Variants in CREB3L2 observed in about 807,000 individuals in gnomAD.
CREB3L2 encodes the protein cyclic AMP-responsive element-binding protein 3-like protein 2.
CREB3L2 carries 23 observed loss-of-function variants against 57.2 expected under a neutral mutation model. The ratio of observed to expected loss-of-function variants is 0.40; its 90% CI spans 0.29 to 0.57. The LOEUF (loss-of-function observed/expected upper bound fraction) is 0.57. Among genes scored for constraint, CREB3L2 ranks in the 20% least tolerant of loss-of-function variants. CREB3L2 has a pLI of 0.42. For synonymous variants in CREB3L2, 268 were observed against 265.1 expected (o/e 1.01, Z -0.11); for missense variants, 628 against 634.7 (o/e 0.99, Z 0.11).
chr7:137,955,606 AC>A (rs1315587055), intron 1 of CREB3L2, among the ~76,000 whole-genome samples: 1 of 152,236 alleles, frequency 6.6e-6, no homozygotes, highest in Non-Finnish European at 1.5e-5. Flanking sequence ...CACCACCTCG[AC>A]TTTTCAAATG....
intron 1 of CREB3L2, among the ~76,000 whole-genome samples, chr7:137,978,959 C>A (rs1801662956): frequency 6.6e-6 from 1 of 152,186 alleles, no homozygotes; most frequent in South Asian, 2.1e-4. Flanking sequence ...CTGATGGCAT[C>A]TCAGAGATGT....
chr7:137,983,718 C>G (rs1801748119), intron 1 of CREB3L2, among the ~76,000 whole-genome samples: 1 of 152,102 alleles, frequency 6.6e-6, no homozygotes, highest in Non-Finnish European at 1.5e-5. Context: ...GTTCGCATAC[C>G]TCTCTGCTTT....
chr7:137,994,183 A>G (rs964051921), intron 1 of CREB3L2, among the ~76,000 whole-genome samples: 1 of 152,208 alleles, frequency 6.6e-6, no homozygotes, highest in Non-Finnish European at 1.5e-5. Flanking sequence ...CATAGGCCTC[A>G]ATCCTACCAA....
At chr7:137,903,862 G>C (rs978841348) in intron 7 of CREB3L2, 97 bp downstream of exon 7, 1 of 1,071,128 alleles carries the variant, frequency 9.3e-7, no homozygotes, top group Non-Finnish European at 1.4e-6. Flanking sequence ...AAGGTGGCCA[G>C]AAAGAGGAAT....
chr7:137,942,205 T>A (rs527782982), intron 1 of CREB3L2, among the ~76,000 whole-genome samples: 1 of 152,232 alleles, frequency 6.6e-6, no homozygotes, highest in Admixed American at 6.5e-5. Context: ...ATTCAAACTT[T>A]TATGAAGGAA....
intron 1 of CREB3L2, among the ~76,000 whole-genome samples, chr7:137,930,088 A>G (rs1800582586): frequency 2.0e-5 from 3 of 151,740 alleles, no homozygotes; most frequent in African/African-American, 7.3e-5. Context: ...TAGTAGAGAC[A>G]GGGTTTCACC....
rs772407010 is a variant in CREB3L2 at position 137,908,288 on chromosome 7, G to A, written c.732C>T (p.Ser244=). Reference sequence around the variant, plus strand: ...TGAGGAGAGGGGAGCTGGAGAGGGCGGAGGGGGCCCGGGGTGCAGCTCTGG... The same window carrying A: ...TGAGGAGAGGGGAGCTGGAGAGGGCAGAGGGGGCCCGGGGTGCAGCTCTGG... ...SPSRAAPRAP[S]ALSSSPLLTA... is the part of the protein sequence containing the mutation. Residue 244 remains serine, a synonymous_variant, in exon 5 of 12, where the codon TCC becomes TCT. Coordinates refer to ENST00000330387, the MANE Select transcript of CREB3L2 (RefSeq NM_194071.4). 76 of 1,259,772 alleles carry A rather than the reference G, an allele frequency of 6.0e-5. No individual in the cohort carries two copies. The highest frequency in any genetic ancestry group is 6.9e-5 in the Non-Finnish European group (69 of 993,362). The allele number at this position is 1,259,772 out of a possible 1,614,324, so 78.0% of individuals were successfully genotyped here.
intron 1 of CREB3L2, among the ~76,000 whole-genome samples, chr7:137,978,341 C>T (rs999757893): frequency 6.6e-6 from 1 of 152,148 alleles, no homozygotes; most frequent in Non-Finnish European, 1.5e-5. Context: ...GAAGTCAGAA[C>T]AGCTGAAAAC....
intron 1 of CREB3L2, among the ~76,000 whole-genome samples, chr7:137,967,028 C>T (rs1261746990): frequency 5.9e-5 from 9 of 152,148 alleles, no homozygotes; most frequent in Admixed American, 5.9e-4. Flanking sequence ...CTTATAAGAA[C>T]AGCCCAGAAA....
intron 1 of CREB3L2, among the ~76,000 whole-genome samples, chr7:137,968,531 G>C (rs1322284443): frequency 6.6e-6 from 1 of 152,180 alleles, no homozygotes; most frequent in Non-Finnish European, 1.5e-5. Context: ...CCCTGCAAAG[G>C]ACATGAACCC....
At chr7:137,945,068 T>G (rs758009288) in intron 1 of CREB3L2, among the ~76,000 whole-genome samples, 6 of 151,642 alleles carry the variant, frequency 4.0e-5, no homozygotes, top group Non-Finnish European at 8.8e-5. Context: ...AATTTTTGTA[T>G]TTTTAGTAGA....
chr7:137,968,058 G>C (rs1190262139), intron 1 of CREB3L2, among the ~76,000 whole-genome samples: 5 of 152,210 alleles, frequency 3.3e-5, no homozygotes. Context: ...CAGCCAGTCA[G>C]TAAAAGCTTG....
rs1799279195 is a variant in CREB3L2 at position 137,880,978 on chromosome 7, T to A, written c.1488-427A>T. 1.3e-5 allele frequency among the ~76,000 whole-genome samples: 2 copies of A among 152,198 alleles called. No individual in the cohort carries two copies. Among genetic ancestry groups the A allele is most frequent in the South Asian group, 4.1e-4 (2 of 4,832 alleles). ...ACAATGAGCTAATTTGAAATAATAA[T>A]AAATCCATAACAGAAAATAAATACA... On this transcript the variant is annotated intron_variant, in intron 11 of 11. Transcript: ENST00000330387. This position sits in a 1 kb window ranked among gnomAD's most constrained non-coding sequence, Gnocchi z 4.0.
chr7:137,896,727 G>A (rs1236838799), intron 8 of CREB3L2, among the ~76,000 whole-genome samples: 1 of 152,206 alleles, frequency 6.6e-6, no homozygotes, highest in African/African-American at 2.4e-5. Context: ...TGAAGAGGGA[G>A]AAGAAATGGG....
rs1254707432 is a variant in CREB3L2, at chr7:137,953,658, T to G, written c.103-25292A>C. 3 of 531,402 alleles carry G rather than the reference T, an allele frequency of 5.6e-6. No individual in the cohort carries two copies. In the East Asian group the frequency reaches 2.1e-4, roughly 37 times the overall value. The allele number at this position is 531,402 out of a possible 1,614,324, so 32.9% of individuals were successfully genotyped here. ...ATTGTGTTTTAAGGCTGGGAAGGGG[T>G]AGACACTGAGCTCTTTCTAATGCCA... On this transcript the variant is annotated intron_variant, in intron 1 of 11. Coordinates refer to ENST00000330387, the MANE Select transcript of CREB3L2 (RefSeq NM_194071.4).
In CREB3L2 at chr7:137,916,699, A is replaced by G. The variant is rs192838518; in HGVS notation, c.320-687T>C. 1.2e-3 allele frequency among the ~76,000 whole-genome samples: 187 copies of G among 151,862 alleles called. 2 individuals are homozygous for G. Among genetic ancestry groups the G allele is most frequent in the Admixed American group, 9.9e-3 (151 of 15,218 alleles). ...ATCATTGTACTCCAGAGCCTGGGCA[A>G]CAGAGTGAGACCCTGTCAAGAAAGA... On this transcript the variant is annotated intron_variant, in intron 2 of 11. Coordinates refer to ENST00000330387, the MANE Select transcript of CREB3L2 (RefSeq NM_194071.4).
intron 2 of CREB3L2, among the ~76,000 whole-genome samples, chr7:137,917,315 G>C (rs1052636223): frequency 5.9e-5 from 9 of 151,682 alleles, no homozygotes; most frequent in African/African-American, 2.2e-4. Context: ...GCACTGCCTG[G>C]AAAAGCCGGG....
chr7:137,912,563 T>A (rs1218506358), intron 4 of CREB3L2, among the ~76,000 whole-genome samples: 1 of 152,182 alleles, frequency 6.6e-6, no homozygotes, highest in African/African-American at 2.4e-5. Flanking sequence ...TAATTAATTG[T>A]GAATTTACTT....
chr7:137,916,097 C>T, intron 2 of CREB3L2, 85 bp from the exon 3 acceptor site: 1 of 1,066,354 alleles, frequency 9.4e-7, no homozygotes, highest in East Asian at 2.6e-5. Context: ...TCTTTCTCCC[C>T]AAAAAAGCTC....
Sources: gnomAD v4.1 joint callset for allele counts (sites outside exome capture counted in the v4.1 genomes callset) on GRCh38, gnomAD v4.1.1 for gene constraint, Gnocchi (gnomAD v3.1) non-coding constraint, MANE v1.5 for transcripts, NCBI Gene and HGNC (gene_info 2026-07-23, HGNC 2026-07-21) for gene names.